ZBTB1: variants seen among roughly 807,000 people sequenced by gnomAD.
ZBTB1 encodes zinc finger and BTB domain-containing protein 1.
A neutral mutation model predicts 51.6 loss-of-function variants in ZBTB1; 13 were observed. The observed-to-expected ratio is 0.25, with a 90% CI of 0.16 to 0.40. ZBTB1 has a LOEUF of 0.40. Among genes scored for constraint, ZBTB1 ranks in the 10% least tolerant of loss-of-function variants. The pLI is 1.00. For synonymous variants in ZBTB1, 240 were observed against 282.2 expected (o/e 0.85, Z 1.50); for missense variants, 567 against 856.5 (o/e 0.66, Z 4.22).
At chr14:64,526,266 G>T (rs554610802), downstream of ZBTB1, among the ~76,000 whole-genome samples, 1 of 152,262 alleles carries the variant, frequency 6.6e-6, no homozygotes, top group South Asian at 2.1e-4. Flanking sequence ...TTTAAAATTA[G>T]GGAGAATGAA....
chr14:64,508,961 T>C (rs13329053), intron 1 of ZBTB1, among the ~76,000 whole-genome samples: 70,904 of 152,050 alleles, frequency 0.47, 17,316 homozygotes, highest in East Asian at 0.68. Context: ...CTGCCTTAAG[T>C]GTGGTAACAG....
At chr14:64,518,492 G>A (rs988829365) in intron 1 of ZBTB1, 3 of 152,146 alleles carry the variant, frequency 2.0e-5, no homozygotes, top group Non-Finnish European at 2.9e-5. Flanking sequence ...GAGGTGGCAG[G>A]ATGGGCATAT....
chr14:64,525,980 C>T (rs552141728), downstream of ZBTB1, among the ~76,000 whole-genome samples: 25 of 152,180 alleles, frequency 1.6e-4, no homozygotes, highest in African/African-American at 6.0e-4. Flanking sequence ...CCACCACGCC[C>T]GGCTAATTTT....
upstream of ZBTB1, chr14:64,504,233 G>A (rs1436629813): frequency 6.6e-6 from 1 of 152,308 alleles, no homozygotes; most frequent in African/African-American, 2.4e-5. Context: ...CTCAGGGCCA[G>A]AGGCAGCAGG....
At chr14:64,516,934 G>A (rs565237948) in intron 1 of ZBTB1, among the ~76,000 whole-genome samples, 36 of 152,290 alleles carry the variant, frequency 2.4e-4, no homozygotes, top group African/African-American at 8.7e-4. Context: ...AATTTTGGTT[G>A]CTGATGATAA....
chr14:64,529,308 C>G (rs931422955), downstream of ZBTB1, among the ~76,000 whole-genome samples: 1 of 152,044 alleles, frequency 6.6e-6, no homozygotes, highest in African/African-American at 2.4e-5. Context: ...TCCCCTATTC[C>G]TGTCCTTTAT....
At chr14:64,509,362 C>A (rs375384794) in intron 1 of ZBTB1, among the ~76,000 whole-genome samples, 2 of 151,928 alleles carry the variant, frequency 1.3e-5, no homozygotes, top group African/African-American at 4.8e-5. Flanking sequence ...CAGAGCCAGA[C>A]CCTGTCTCAA....
chr14:64,523,676 G>A lies in ZBTB1; in HGVS notation c.*30G>A, dbSNP rs1182879351. On this transcript the variant is annotated 3_prime_UTR_variant, in exon 2 of 2. Transcript: ENST00000683701. This position sits in a 1 kb window ranked among gnomAD's most constrained non-coding sequence, Gnocchi z 4.5. Reference sequence around the variant, plus strand: ...TTTTCTACTGTACTAATGTTTAGATGATAGCAGATAAAACACCAAAGCAAA... The same window carrying A: ...TTTTCTACTGTACTAATGTTTAGATAATAGCAGATAAAACACCAAAGCAAA... The A allele has an allele frequency of 2.7e-6, 4 of 1,504,402 alleles. No homozygotes were observed. The highest frequency in any genetic ancestry group is 3.6e-6 in the Non-Finnish European group (4 of 1,124,248). The allele number at this position is 1,504,402 out of a possible 1,614,324, so 93.2% of individuals were successfully genotyped here.
chr14:64,530,087 A>G (rs1006664104), intron 2 of ZBTB1, among the ~76,000 whole-genome samples: 5 of 152,168 alleles, frequency 3.3e-5, no homozygotes, highest in African/African-American at 9.7e-5. Flanking sequence ...AAGTGAAACA[A>G]TCTCCCTCAA....
chr14:64,510,920 T>C (rs2079717988), intron 1 of ZBTB1, among the ~76,000 whole-genome samples: 1 of 152,206 alleles, frequency 6.6e-6, no homozygotes, highest in Non-Finnish European at 1.5e-5. Context: ...ACAGAGGCCT[T>C]GCAAGAGCAG....
rs1235564409 is a variant in ZBTB1 at position 64,522,575 on chromosome 14, CAAT to C, written c.1072_1074del (p.Asn358del). 15 of 1,613,710 alleles carry C rather than the reference CAAT, an allele frequency of 9.3e-6. No individual in the cohort carries two copies. The highest frequency in any genetic ancestry group is 1.3e-5 in the Non-Finnish European group (15 of 1,179,888). On this transcript the variant is annotated inframe_deletion, in exon 2 of 2. Coordinates refer to ENST00000683701, the MANE Select transcript of ZBTB1 (RefSeq NM_001123329.2). Reference sequence around the variant, plus strand: ...ATAAAGACTGTAATGAATCCACTGACAATGATGAATTAGAAGATGAACCTGAAG... The same window carrying C: ...ATAAAGACTGTAATGAATCCACTGACGATGAATTAGAAGATGAACCTGAAG...
chr14:64,515,848 C>T (rs970110363), intron 1 of ZBTB1, among the ~76,000 whole-genome samples: 1 of 152,148 alleles, frequency 6.6e-6, no homozygotes, highest in African/African-American at 2.4e-5. Context: ...AAATTATCTT[C>T]AAGAGATAAG....
chr14:64,517,781 A>ATATATTTT (rs1160337478), intron 1 of ZBTB1, among the ~76,000 whole-genome samples: 4 of 41,548 alleles, frequency 9.6e-5, no homozygotes, highest in Admixed American at 3.3e-4. Context: ...ATATATATAT[A>ATATATTTT]TTTTTTTTTT....
At chr14:64,508,644 T>G (rs894923759) in intron 1 of ZBTB1, among the ~76,000 whole-genome samples, 6 of 152,234 alleles carry the variant, frequency 3.9e-5, no homozygotes, top group African/African-American at 1.2e-4. Context: ...TGAACCTGTT[T>G]CTTCATTTGC....
rs28626711 is a variant in ZBTB1, at chr14:64,521,561, A to G, written c.57A>G (p.Glu19=). The change falls in exon 2 of 2, where the codon GAA becomes GAG. Residue 19 remains glutamate (E), a synonymous_variant. Transcript: ENST00000683701. ...TTCAGCAGCTAAACAACCAAAGAGA[A>G]TGGGGTTTTCTCTGTGACTGCTGTA... ...YVLQQLNNQR[E]WGFLCDCCIA... 0.21 allele frequency: 344,823 copies of G among 1,613,978 alleles called. 38,173 individuals are homozygous for G. Among genetic ancestry groups the G allele is most frequent in the Non-Finnish European group, 0.23 (269,606 of 1,179,946 alleles).
In ZBTB1 at chr14:64,523,694, A is replaced by G. The variant is rs1178702915; in HGVS notation, c.*48A>G. The stretch of plus-strand genomic sequence containing the variant: ...TTTAGATGATAGCAGATAAAACACC[A>G]AAGCAAAGGATATGAGCTATTTAGG... On this transcript the variant is annotated 3_prime_UTR_variant, in exon 2 of 2. Coordinates refer to ENST00000683701, the MANE Select transcript of ZBTB1 (RefSeq NM_001123329.2). The surrounding 1 kb of genome is among the most constrained non-coding windows in gnomAD (Gnocchi z 4.5). 3 of 1,483,362 alleles carry G rather than the reference A, an allele frequency of 2.0e-6. No individual in the cohort carries two copies. Among genetic ancestry groups the G allele is most frequent in the Non-Finnish European group, 2.7e-6 (3 of 1,114,980 alleles). The allele number at this position is 1,483,362 out of a possible 1,614,324, so 91.9% of individuals were successfully genotyped here. A position where few individuals can be genotyped will look rare whatever the true frequency, so the allele number is the denominator to read the frequency against.
At position 64,524,440 on chromosome 14, in the gene ZBTB1, AAT is replaced by A. The variant is rs2079887694; in HGVS notation, c.*797_*798del. The A allele has an allele frequency of 1.3e-6, 1 of 794,934 alleles. No homozygotes were observed. The highest frequency in any genetic ancestry group is 1.5e-6 in the Non-Finnish European group (1 of 656,544). 49.2% of individuals were successfully genotyped at this position (794,934 alleles called of 1,614,324 possible). Reference sequence around the variant, plus strand: ...AAAGACATATCTTGTATTCATTAAAAATATTTTAATTTAAAATATTCTGATTT... The same window carrying A: ...AAAGACATATCTTGTATTCATTAAAAATTTTAATTTAAAATATTCTGATTT... On this transcript the variant is annotated 3_prime_UTR_variant, in exon 2 of 2. Transcript: ENST00000683701.
downstream of ZBTB1, among the ~76,000 whole-genome samples, chr14:64,527,157 TAA>T (rs551980162): frequency 1.4e-5 from 2 of 144,600 alleles, no homozygotes; most frequent in Admixed American, 6.9e-5. Context: ...GCTAATAATT[TAA>T]AAAAAAAAAA....
intron 1 of ZBTB1, among the ~76,000 whole-genome samples, chr14:64,511,850 C>T (rs1361794189): frequency 3.3e-5 from 5 of 152,126 alleles, no homozygotes; most frequent in Non-Finnish European, 7.4e-5. Flanking sequence ...TTCAGCAAAA[C>T]ATAATTGTTT....
Sources: gnomAD v4.1 joint callset for allele counts (sites outside exome capture counted in the v4.1 genomes callset) on GRCh38, gnomAD v4.1.1 for gene constraint, Gnocchi (gnomAD v3.1) non-coding constraint, MANE v1.5 for transcripts, NCBI Gene and HGNC (gene_info 2026-07-23, HGNC 2026-07-21) for gene names.